XPO6: variants seen among roughly 807,000 people sequenced by gnomAD.
XPO6 encodes the protein exportin 6, also known as exportin-6.
In XPO6, 3 loss-of-function variants were observed where a neutral mutation model predicts 130.0. That is an observed-to-expected ratio of 0.02 (90% confidence interval 0.01 to 0.06). The LOEUF is 0.06. XPO6 is among the 10% of genes least tolerant of loss of function. XPO6 has a pLI of 1.00. For missense variants in XPO6, 970 were observed against 1,393.0 expected (o/e 0.70, Z 4.83); for synonymous variants, 524 against 548.9 (o/e 0.95, Z 0.63).
At chr16:28,149,308 T>C (rs547988141) in intron 8 of XPO6, among the ~76,000 whole-genome samples, 6 of 152,262 alleles carry the variant, frequency 3.9e-5, no homozygotes, top group African/African-American at 1.2e-4. Context: ...TGAGCACTGC[T>C]ACCTGGAGGC....
In XPO6 at chr16:28,101,425, CCT is replaced by C; in HGVS notation, c.3276+31_3276+32del. 6.3e-7 allele frequency: 1 copy of C among 1,596,924 alleles called. No individual in the cohort carries two copies. Among genetic ancestry groups the C allele is most frequent in the Non-Finnish European group, 8.6e-7 (1 of 1,164,668 alleles). ...TGCCAGGCTTGCGTGCCCACTCTGC[CCT>C]CCTCTTAGCCCGGCCTCTTTCTCTC... On this transcript the variant is annotated intron_variant, in intron 23 of 23. Transcript: ENST00000304658. The surrounding 1 kb of genome is among the most constrained non-coding windows in gnomAD (Gnocchi z 5.4).
At chr16:28,115,528 T>C (rs1265301285) in intron 15 of XPO6, among the ~76,000 whole-genome samples, 1 of 152,350 alleles carries the variant, frequency 6.6e-6, no homozygotes, top group Non-Finnish European at 1.5e-5. Flanking sequence ...TGTAAACAGA[T>C]GTGCTGTCAT....
chr16:28,132,419 C>T lies in XPO6; in HGVS notation c.1537-16G>A, dbSNP rs1477255780. 6.4e-7 allele frequency: 1 copy of T among 1,558,916 alleles called. No individual in the cohort carries two copies. Among genetic ancestry groups the T allele is most frequent in the African/African-American group, 1.4e-5 (1 of 72,504 alleles). On this transcript the variant is annotated splice_polypyrimidine_tract_variant and intron_variant, in intron 11 of 23. Coordinates refer to ENST00000304658, the MANE Select transcript of XPO6 (RefSeq NM_015171.4). This position sits in a 1 kb window ranked among gnomAD's most constrained non-coding sequence, Gnocchi z 4.0. ...GAACAGGGAACTGAAAACAAAGAAA[C>T]AAAAACAACAAAAATTTTAAGCCAT... is the stretch of plus-strand genomic sequence containing the variant.
chr16:28,103,103 C>T (rs186366575), intron 21 of XPO6, among the ~76,000 whole-genome samples: 13 of 152,298 alleles, frequency 8.5e-5, no homozygotes, highest in Non-Finnish European at 1.6e-4. Context: ...TGTACCACCA[C>T]CATCACAACC....
chr16:28,117,543 G>C, intron 14 of XPO6, 81 bp from the exon 15 acceptor site: 1 of 1,509,612 alleles, frequency 6.6e-7, no homozygotes, highest in Admixed American at 1.9e-5. Flanking sequence ...TAGGAGGTAA[G>C]AATTGCATCC....
chr16:28,127,162 A>G (rs1460581363), intron 12 of XPO6, among the ~76,000 whole-genome samples: 8 of 152,060 alleles, frequency 5.3e-5, no homozygotes, highest in African/African-American at 1.9e-4. Context: ...ACCTTCTACT[A>G]TGCCACTATG....
At position 28,211,483 on chromosome 16, in the gene XPO6, A is replaced by G; in HGVS notation, c.-115T>C. ...CTCGGGAAGTCCCCCACCCATGCAA[A>G]GACAACCCCTTCCCCACCGGGCCCC... On this transcript the variant is annotated 5_prime_UTR_variant, in exon 1 of 24. Coordinates refer to ENST00000304658, the MANE Select transcript of XPO6 (RefSeq NM_015171.4). 8.3e-7 allele frequency: 1 copy of G among 1,209,348 alleles called. No individual in the cohort carries two copies. The highest frequency in any genetic ancestry group is 3.8e-5 in the South Asian group (1 of 26,090). The allele number at this position is 1,209,348 out of a possible 1,614,324, so 74.9% of individuals were successfully genotyped here.
chr16:28,210,077 C>T (rs2044101335), intron 1 of XPO6, among the ~76,000 whole-genome samples: 1 of 151,702 alleles, frequency 6.6e-6, no homozygotes, highest in South Asian at 2.1e-4. Flanking sequence ...TGCAGTGAGC[C>T]ATGAACGTGC....
At position 28,101,704 on chromosome 16, in the gene XPO6, C is replaced by G; in HGVS notation, c.3046-16G>C. 1 of 1,600,746 alleles carries G rather than the reference C, an allele frequency of 6.2e-7. No individual in the cohort carries two copies. Among genetic ancestry groups the G allele is most frequent in the Non-Finnish European group, 8.5e-7 (1 of 1,170,696 alleles). ...GGAAGATCTTCTGCAGGCAGAGAGA[C>G]CAGGTGAGCAGCAGCCAGCCCCCAG... On this transcript the variant is annotated splice_polypyrimidine_tract_variant and intron_variant, in intron 22 of 23. Coordinates refer to ENST00000304658, the MANE Select transcript of XPO6 (RefSeq NM_015171.4). The surrounding 1 kb of genome is among the most constrained non-coding windows in gnomAD (Gnocchi z 5.4).
At chr16:28,198,523 G>A (rs949539629) in intron 1 of XPO6, among the ~76,000 whole-genome samples, 9 of 152,028 alleles carry the variant, frequency 5.9e-5, no homozygotes, top group Non-Finnish European at 7.4e-5. Flanking sequence ...TGGTCACAAG[G>A]CCAGGAACAA....
At chr16:28,128,019 C>T (rs2042594901) in intron 12 of XPO6, among the ~76,000 whole-genome samples, 1 of 152,178 alleles carries the variant, frequency 6.6e-6, no homozygotes, top group African/African-American at 2.4e-5. Context: ...GCCAGACGAA[C>T]TCACGGAACC....
At chr16:28,102,856 G>A (rs1476249200) in intron 21 of XPO6, among the ~76,000 whole-genome samples, 1 of 152,108 alleles carries the variant, frequency 6.6e-6, no homozygotes, top group African/African-American at 2.4e-5. Flanking sequence ...GGGGGCAGTC[G>A]GGGAGGCCGG....
chr16:28,112,895 G>C lies in XPO6; in HGVS notation c.2151+9C>G. 6.2e-7 allele frequency: 1 copy of C among 1,611,212 alleles called. No homozygotes were observed. The highest frequency in any genetic ancestry group is 1.3e-5 in the African/African-American group (1 of 74,966). ...CCCTGGGGACCCCGGGGGAGCTCTG[G>C]GGCCTCACCTTATCGACAAGTCGCA... is the stretch of plus-strand genomic sequence containing the variant. On this transcript the variant is annotated intron_variant, in intron 16 of 23. Transcript: ENST00000304658.
At position 28,160,503 on chromosome 16, in the gene XPO6, C is replaced by CAAAAAAAAAAAAAAAAAAAAAAAAAAAAA. The variant is rs1158204334; in HGVS notation, c.644-3977_644-3976insTTTTTTTTTTTTTTTTTTTTTTTTTTTTT. Among the ~76,000 whole-genome samples, 8 of 116,652 alleles carry CAAAAAAAAAAAAAAAAAAAAAAAAAAAAA rather than the reference C, an allele frequency of 6.9e-5. No homozygotes were observed. The East Asian group carries it at 7.6e-4, about 11-fold the overall frequency. The allele number at this position is 116,652 out of a possible 152,430, so 76.5% of individuals were successfully genotyped here. A position where few individuals can be genotyped will look rare whatever the true frequency, so the allele number is the denominator to read the frequency against. On this transcript the variant is annotated intron_variant, in intron 6 of 23. Coordinates refer to ENST00000304658, the MANE Select transcript of XPO6 (RefSeq NM_015171.4). The stretch of plus-strand genomic sequence containing the variant: ...TGGATAACAAAGTGAGACTCCATCA[C>CAAAAAAAAAAAAAAAAAAAAAAAAAAAAA]CAAAAAAAAAAAAAAAATCAAGTAA...
At chr16:28,108,532 G>A (rs556925761) in intron 17 of XPO6, among the ~76,000 whole-genome samples, 1 of 152,148 alleles carries the variant, frequency 6.6e-6, no homozygotes, top group Non-Finnish European at 1.5e-5. Context: ...CATCTAAGAA[G>A]GTCCAGGACG....
At chr16:28,154,427 C>T (rs576072740) in intron 7 of XPO6, among the ~76,000 whole-genome samples, 41 of 152,208 alleles carry the variant, frequency 2.7e-4, no homozygotes, top group Non-Finnish European at 5.1e-4. Flanking sequence ...GGTACAGGTG[C>T]TAATGAACAG....
intron 1 of XPO6, among the ~76,000 whole-genome samples, chr16:28,204,511 C>T (rs772094843): frequency 1.2e-4 from 19 of 152,002 alleles, no homozygotes; most frequent in Non-Finnish European, 2.6e-4. Context: ...GAGGGAGCTG[C>T]AGCACAGCCA....
chr16:28,112,883 G>C (rs376469314), intron 16 of XPO6, 21 bp downstream of exon 16: 1 of 1,607,332 alleles, frequency 6.2e-7, no homozygotes, highest in Non-Finnish European at 8.5e-7. Flanking sequence ...TGGGGACCCC[G>C]GGGGAGCTCT....
intron 16 of XPO6, 71 bp downstream of exon 16, chr16:28,112,831 ACT>A: frequency 6.5e-7 from 1 of 1,541,406 alleles, no homozygotes; most frequent in Non-Finnish European, 8.8e-7. Flanking sequence ...CAAAGGCCAG[ACT>A]CTTCTTCCTC....
Sources: gnomAD v4.1 joint callset for allele counts (sites outside exome capture counted in the v4.1 genomes callset) on GRCh38, gnomAD v4.1.1 for gene constraint, Gnocchi (gnomAD v3.1) non-coding constraint, MANE v1.5 for transcripts, NCBI Gene and HGNC (gene_info 2026-07-23, HGNC 2026-07-21) for gene names.